DLC1: variants seen among roughly 807,000 people sequenced by gnomAD.
DLC1 encodes the protein rho GTPase-activating protein 7.
Under a neutral mutation model 140.3 loss-of-function variants are expected in DLC1, and 54 were observed. The ratio of observed to expected loss-of-function variants is 0.38; its 90% CI spans 0.31 to 0.48. The LOEUF (loss-of-function observed/expected upper bound fraction) is 0.48, where lower values mean the gene tolerates loss of function less well. DLC1 is among the 20% of genes least tolerant of loss of function. DLC1 has a pLI of 0.96. For missense variants in DLC1, 2,536 were observed against 1,907.0 expected (o/e 1.33, Z -6.14); for synonymous variants, 986 against 728.1 (o/e 1.35, Z -5.70).
chr8:13,448,407 A>C (rs967412998), intron 2 of DLC1, among the ~76,000 whole-genome samples: 1 of 149,080 alleles, frequency 6.7e-6, no homozygotes, highest in African/African-American at 2.5e-5. Flanking sequence ...TCTGTCACCC[A>C]GGCTGGAGTG....
chr8:13,284,419 C>T (rs914780421), intron 5 of DLC1, among the ~76,000 whole-genome samples: 2 of 152,026 alleles, frequency 1.3e-5, no homozygotes, highest in African/African-American at 4.8e-5. Context: ...CCCAGCTACT[C>T]AGAAGGCTGA....
At chr8:13,547,303 C>T (rs189628032) in intron 1 of DLC1, among the ~76,000 whole-genome samples, 143 of 152,036 alleles carry the variant, frequency 9.4e-4, no homozygotes, top group Non-Finnish European at 1.3e-3. Context: ...AACTCAAAGC[C>T]TTTAGCATTA....
Position 13,422,216 on chromosome 8 carries a change from A to G in DLC1, c.1024-20597T>C, listed in dbSNP as rs568203909. 1.6e-4 allele frequency among the ~76,000 whole-genome samples: 24 copies of G among 152,266 alleles called. No individual in the cohort carries two copies. In the East Asian group the frequency reaches 4.6e-3, roughly 29 times the overall value. Reference sequence around the variant, plus strand: ...TATATTTAATGAGGTTTAAACTAATACCTCAAAGTAATCTTTCTGTGTTTT... The same window carrying G: ...TATATTTAATGAGGTTTAAACTAATGCCTCAAAGTAATCTTTCTGTGTTTT... On this transcript the variant is annotated intron_variant, in intron 2 of 17. Transcript: ENST00000276297.
At chr8:13,090,196 T>C (rs1817926420) in intron 15 of DLC1, 56 bp downstream of exon 15, 1 of 1,535,212 alleles carries the variant, frequency 6.5e-7, no homozygotes, top group East Asian at 2.3e-5. Context: ...TTATCTCTGA[T>C]GGACCCAAGC....
intron 5 of DLC1, among the ~76,000 whole-genome samples, chr8:13,288,230 A>G (rs1186814885): frequency 2.0e-5 from 3 of 152,210 alleles, no homozygotes; most frequent in Non-Finnish European, 2.9e-5. Context: ...ATAGTGTATC[A>G]TTTAAAAATA....
chr8:13,598,259 T>G (rs935059879), intron 1 of DLC1, among the ~76,000 whole-genome samples: 2 of 152,146 alleles, frequency 1.3e-5, no homozygotes, highest in South Asian at 4.1e-4. Flanking sequence ...TGTAAATATG[T>G]AAGAGTAGCA....
intron 4 of DLC1, among the ~76,000 whole-genome samples, chr8:13,371,444 G>T (rs1835723516): frequency 6.6e-6 from 1 of 152,144 alleles, no homozygotes; most frequent in South Asian, 2.1e-4. Context: ...TGTAGGAGAT[G>T]CTTTTGAATC....
rs945578036 is a variant in DLC1, at chr8:13,133,172, G to A, written c.1349-17515C>T. On this transcript the variant is annotated intron_variant, in intron 5 of 17. Coordinates refer to ENST00000276297, the MANE Select transcript of DLC1 (RefSeq NM_182643.3). ...AGCGGGGTTTTCTAAAGATCGAAAC[G>A]AGGGAGCGCTCAGGGAGTTGGGCGA... The A allele has an allele frequency of 6.3e-6, 9 of 1,436,546 alleles. No individual in the cohort carries two copies. In the Admixed American group the frequency reaches 8.5e-5, roughly 14 times the overall value. The allele number at this position is 1,436,546 out of a possible 1,614,324, so 89.0% of individuals were successfully genotyped here.
chr8:13,286,694 C>G (rs1831546549), intron 5 of DLC1, among the ~76,000 whole-genome samples: 1 of 147,400 alleles, frequency 6.8e-6, no homozygotes, highest in Non-Finnish European at 1.5e-5. Context: ...AGCCAAAAAC[C>G]TTTTCTTAAC....
At chr8:13,436,972 C>G (rs1043828282) in intron 2 of DLC1, among the ~76,000 whole-genome samples, 1 of 152,140 alleles carries the variant, frequency 6.6e-6, no homozygotes, top group African/African-American at 2.4e-5. Context: ...CTATAAATAT[C>G]TATGCTTATT....
chr8:13,327,740 C>T (rs1016781002), intron 4 of DLC1, among the ~76,000 whole-genome samples: 1 of 152,208 alleles, frequency 6.6e-6, no homozygotes, highest in Non-Finnish European at 1.5e-5. Context: ...TAGCAGTGAA[C>T]AAAGGTAGAC....
intron 2 of DLC1, among the ~76,000 whole-genome samples, chr8:13,450,397 G>T (rs896708718): frequency 7.1e-6 from 1 of 141,452 alleles, no homozygotes; most frequent in African/African-American, 2.6e-5. Flanking sequence ...GGAGGTTTCA[G>T]TGAGCCAAGA....
intron 1 of DLC1, among the ~76,000 whole-genome samples, chr8:13,530,853 C>A (rs1803072916): frequency 6.6e-6 from 1 of 152,118 alleles, no homozygotes. Flanking sequence ...TGGTTAAAAA[C>A]AAATGAAAAA....
intron 5 of DLC1, among the ~76,000 whole-genome samples, chr8:13,170,640 G>A (rs1054097357): frequency 6.7e-5 from 10 of 148,810 alleles, no homozygotes; most frequent in African/African-American, 1.2e-4. Context: ...TGAGGCAGGA[G>A]AATGGCGTGA....
At chr8:13,105,239 C>T (rs747509028) in intron 7 of DLC1, among the ~76,000 whole-genome samples, 1 of 152,162 alleles carries the variant, frequency 6.6e-6, no homozygotes, top group Non-Finnish European at 1.5e-5. Context: ...AATGGCATTA[C>T]AGACCTAAAG....
At chr8:13,559,815 A>G (rs1187932777) in intron 1 of DLC1, among the ~76,000 whole-genome samples, 1 of 152,214 alleles carries the variant, frequency 6.6e-6, no homozygotes, top group Non-Finnish European at 1.5e-5. Context: ...CATCTGTGCT[A>G]TGAAAGGAAA....
At chr8:13,380,867 A>G (rs768391502) in intron 4 of DLC1, among the ~76,000 whole-genome samples, 2 of 152,234 alleles carry the variant, frequency 1.3e-5, no homozygotes, top group Non-Finnish European at 2.9e-5. Context: ...GGAGGTTATA[A>G]TAGGATCAAG....
At chr8:13,319,595 A>G (rs973573016) in intron 4 of DLC1, among the ~76,000 whole-genome samples, 2 of 151,472 alleles carry the variant, frequency 1.3e-5, no homozygotes, top group Admixed American at 6.6e-5. Flanking sequence ...AGCGCCAGCC[A>G]TGTAGGATGC....
chr8:13,259,782 A>T (rs1373813195), intron 5 of DLC1, among the ~76,000 whole-genome samples: 1 of 150,184 alleles, frequency 6.7e-6, no homozygotes, highest in Non-Finnish European at 1.5e-5. Flanking sequence ...ACTATATACA[A>T]GTACAACAGA....
Sources: gnomAD v4.1 joint callset for allele counts (sites outside exome capture counted in the v4.1 genomes callset) on GRCh38, gnomAD v4.1.1 for gene constraint, MANE v1.5 for transcripts, NCBI Gene and HGNC (gene_info 2026-07-23, HGNC 2026-07-21) for gene names.